The following PARD3 variants were observed in gnomAD, a reference collection of about 807,000 sequenced individuals.
The protein encoded by PARD3 is par-3 family cell polarity regulator, also known as partitioning defective 3 homolog.
In PARD3, 75 loss-of-function variants were observed where a neutral mutation model predicts 155.4. The ratio of observed to expected loss-of-function variants is 0.48; its 90% CI spans 0.40 to 0.58. The LOEUF is 0.58. Ranked by LOEUF, PARD3 falls within the 20% of genes least tolerant of loss-of-function variation. PARD3 has a pLI of 0.00. For synonymous variants in PARD3, 576 were observed against 610.5 expected (o/e 0.94, Z 0.83); for missense variants, 1,642 against 1,721.7 (o/e 0.95, Z 0.82).
chr10:34,708,646 G>A (rs2094404321), intron 1 of PARD3, among the ~76,000 whole-genome samples: 1 of 152,180 alleles, frequency 6.6e-6, no homozygotes, highest in Non-Finnish European at 1.5e-5. Flanking sequence ...TAAAGTATCA[G>A]TGGTGCATTT....
At chr10:34,493,675 T>C (rs1251654346) in intron 3 of PARD3, among the ~76,000 whole-genome samples, 1 of 151,270 alleles carries the variant, frequency 6.6e-6, no homozygotes, top group African/African-American at 2.4e-5. Context: ...GAGACTGCAG[T>C]GATCCAAGAT....
At chr10:34,793,778 CAAA>C (rs113341656) in intron 1 of PARD3, among the ~76,000 whole-genome samples, 5 of 130,744 alleles carry the variant, frequency 3.8e-5, no homozygotes, top group East Asian at 2.3e-4. Context: ...AACTCCATCT[CAAA>C]AAAAAAAAAA....
At chr10:34,112,710 A>G (rs1447752908) in intron 24 of PARD3, among the ~76,000 whole-genome samples, 1 of 152,252 alleles carries the variant, frequency 6.6e-6, no homozygotes, top group Non-Finnish European at 1.5e-5. Context: ...CTCCCGCAGG[A>G]ATGATGCAAT....
In PARD3 at chr10:34,110,072, G is replaced by A. The variant is rs767614628; in HGVS notation, c.*1097C>T. 1 of 151,986 alleles carries A rather than the reference G, an allele frequency of 6.6e-6. No homozygotes were observed. Among genetic ancestry groups the A allele is most frequent in the Non-Finnish European group, 1.5e-5 (1 of 68,050 alleles). The allele number at this position is 151,986 out of a possible 1,614,324, so 9.4% of individuals were successfully genotyped here. On this transcript the variant is annotated 3_prime_UTR_variant, in exon 25 of 25. Transcript: ENST00000374788. ...CACCACCGCTGTGGGACCCGAAAAT[G>A]TTCTCTGTGTGATGTGTAACGGCTT...
At chr10:34,641,054 T>C (rs1027200964) in intron 2 of PARD3, among the ~76,000 whole-genome samples, 2 of 152,188 alleles carry the variant, frequency 1.3e-5, no homozygotes, top group Non-Finnish European at 2.9e-5. Context: ...TTTAAACATT[T>C]ACAATTTCCA....
intron 2 of PARD3, among the ~76,000 whole-genome samples, chr10:34,609,705 T>C (rs1404078038): frequency 1.3e-5 from 2 of 152,084 alleles, no homozygotes; most frequent in Non-Finnish European, 2.9e-5. Flanking sequence ...GTCCTGTTAT[T>C]TTTATCTTTT....
At chr10:34,653,223 T>A (rs955381273) in intron 2 of PARD3, among the ~76,000 whole-genome samples, 1 of 152,088 alleles carries the variant, frequency 6.6e-6, no homozygotes, top group Non-Finnish European at 1.5e-5. Context: ...TAAAAAAAGA[T>A]AATATCTGAG....
intron 22 of PARD3, among the ~76,000 whole-genome samples, chr10:34,250,625 T>C (rs1324722045): frequency 1.3e-5 from 2 of 150,914 alleles, no homozygotes; most frequent in Non-Finnish European, 2.9e-5. Flanking sequence ...GAAAAAAAAG[T>C]AAGCCCCTTT....
chr10:34,243,994 A>G (rs1953779507), intron 22 of PARD3, among the ~76,000 whole-genome samples: 2 of 152,192 alleles, frequency 1.3e-5, no homozygotes, highest in South Asian at 4.1e-4. Flanking sequence ...AGTTTTACAG[A>G]TAAGAAGAGA....
At position 34,368,596 on chromosome 10, in the gene PARD3, C is replaced by T. The variant is rs775629949; in HGVS notation, c.1707+3902G>A. 7.2e-5 allele frequency among the ~76,000 whole-genome samples: 11 copies of T among 151,948 alleles called. No homozygotes were observed. In the South Asian group the frequency reaches 1.5e-3, roughly 20 times the overall value. The stretch of plus-strand genomic sequence containing the variant: ...CTGAGGCAGGAGAATAGTGTGAACC[C>T]GGGGGGTGGAGCTTGCAGTGAGCCA... On this transcript the variant is annotated intron_variant, in intron 12 of 24. Coordinates refer to ENST00000374788, the MANE Select transcript of PARD3 (RefSeq NM_001184785.2).
At position 34,226,658 on chromosome 10, in the gene PARD3, G is replaced by C. The variant is rs1219572117; in HGVS notation, c.3419+42999C>G. The stretch of plus-strand genomic sequence containing the variant: ...AATGATTCAGCCACTTTGAAAACCA[G>C]TGTGGCAATTTATTAAAAAGTTAAA... On this transcript the variant is annotated intron_variant, in intron 22 of 24. Transcript: ENST00000374788. 2.6e-5 allele frequency among the ~76,000 whole-genome samples: 4 copies of C among 152,200 alleles called. No homozygotes were observed. In the East Asian group the frequency reaches 7.7e-4, roughly 29 times the overall value.
At chr10:34,185,071 C>G (rs1950427166) in intron 22 of PARD3, among the ~76,000 whole-genome samples, 1 of 152,130 alleles carries the variant, frequency 6.6e-6, no homozygotes, top group Admixed American at 6.5e-5. Context: ...CTGTCAGAGC[C>G]CCATCCCCTG....
chr10:34,710,538 C>T (rs973121456), intron 1 of PARD3, among the ~76,000 whole-genome samples: 5 of 152,134 alleles, frequency 3.3e-5, no homozygotes, highest in Admixed American at 6.5e-5. Flanking sequence ...CAAAATATTC[C>T]CTTTATCATG....
rs1026807648 is a variant in PARD3 at position 34,500,786 on chromosome 10, G to A, written c.403+16193C>T. 4.6e-5 allele frequency among the ~76,000 whole-genome samples: 7 copies of A among 152,048 alleles called. No homozygotes were observed. In the East Asian group the frequency reaches 9.6e-4, roughly 21 times the overall value. On this transcript the variant is annotated intron_variant, in intron 3 of 24. Coordinates refer to ENST00000374788, the MANE Select transcript of PARD3 (RefSeq NM_001184785.2). ...AATAACATAAAATGAATACAGTAAC[G>A]TAACTTGTGTAACAATAATTTAATG...
chr10:34,294,079 T>C (rs917514971), intron 20 of PARD3, among the ~76,000 whole-genome samples: 3 of 85,576 alleles, frequency 3.5e-5, no homozygotes, highest in Admixed American at 3.1e-4. Flanking sequence ...TACACACCTT[T>C]CTCTAGGACA....
At chr10:34,729,070 G>A (rs944738473) in intron 1 of PARD3, among the ~76,000 whole-genome samples, 4 of 152,180 alleles carry the variant, frequency 2.6e-5, no homozygotes, top group Admixed American at 1.3e-4. Context: ...CCACACAGCC[G>A]AGGTGTGCAG....
At chr10:34,587,699 T>C (rs1392318076) in intron 2 of PARD3, among the ~76,000 whole-genome samples, 1 of 152,218 alleles carries the variant, frequency 6.6e-6, no homozygotes, top group Non-Finnish European at 1.5e-5. Context: ...TTGCTTTAGC[T>C]ATGTCTCCTG....
At chr10:34,696,524 C>T in intron 1 of PARD3, 105 bp from the exon 2 acceptor site, 1 of 738,668 alleles carries the variant, frequency 1.4e-6, no homozygotes, top group Non-Finnish European at 2.4e-6. Flanking sequence ...AGGAATCAAC[C>T]TCATATCAAC....
At chr10:34,673,958 A>G (rs2496733) in intron 2 of PARD3, among the ~76,000 whole-genome samples, 110,866 of 149,270 alleles carry the variant, frequency 0.74, 42,571 homozygotes, top group African/African-American at 0.93. Context: ...GCACTCCAGC[A>G]TGGAAGACAG....
Sources: gnomAD v4.1 joint callset for allele counts (sites outside exome capture counted in the v4.1 genomes callset) on GRCh38, gnomAD v4.1.1 for gene constraint, MANE v1.5 for transcripts, NCBI Gene and HGNC (gene_info 2026-07-23, HGNC 2026-07-21) for gene names.